The following LRMDA variants were observed in gnomAD, a reference collection of about 807,000 sequenced individuals.
The protein encoded by LRMDA is leucine-rich melanocyte differentiation-associated protein.
Under a neutral mutation model 29.8 loss-of-function variants are expected in LRMDA, and 18 were observed. That is an observed-to-expected ratio of 0.60 (90% CI 0.42 to 0.90). LRMDA has a LOEUF of 0.90. LRMDA is among the 40% of genes least tolerant of loss of function. The pLI, the probability that LRMDA is intolerant of heterozygous loss-of-function variation, is 0.00. For synonymous variants in LRMDA, 125 were observed against 109.4 expected, an observed-to-expected ratio of 1.14 and a Z score of -0.89; for missense variants, 273 against 273.9, an observed-to-expected ratio of 1.00 and a Z score of 0.02.
intron 2 of LRMDA, among the ~76,000 whole-genome samples, chr10:75,472,606 C>T (rs1014644801): frequency 2.6e-5 from 4 of 152,150 alleles, no homozygotes; most frequent in Non-Finnish European, 4.4e-5. Context: ...TATTGAGTTG[C>T]GTTATTGGAC....
intron 6 of LRMDA, chr10:76,464,666 A>G (rs1165660486): frequency 4.6e-5 from 7 of 152,204 alleles, no homozygotes; most frequent in Non-Finnish European, 1.0e-4. Flanking sequence ...GGTAACCTCA[A>G]ATACCTCCTT....
chr10:75,468,179 T>A (rs976446794), intron 2 of LRMDA, among the ~76,000 whole-genome samples: 1 of 152,200 alleles, frequency 6.6e-6, no homozygotes, highest in Non-Finnish European at 1.5e-5. Context: ...GGTTGGGGCA[T>A]TGATAATAGC....
intron 6 of LRMDA, among the ~76,000 whole-genome samples, chr10:76,417,920 C>T (rs916543137): frequency 2.0e-5 from 3 of 152,120 alleles, no homozygotes; most frequent in African/African-American, 7.2e-5. Flanking sequence ...AAAGACCTGA[C>T]ATTCCTCACT....
intron 5 of LRMDA, among the ~76,000 whole-genome samples, chr10:76,265,177 C>T (rs772393788): frequency 1.3e-5 from 2 of 152,144 alleles, no homozygotes; most frequent in Non-Finnish European, 2.9e-5. Context: ...ATTGTTGATC[C>T]GGTCCGTTTA....
chr10:76,367,289 C>A (rs1841401959), intron 6 of LRMDA, among the ~76,000 whole-genome samples: 1 of 152,158 alleles, frequency 6.6e-6, no homozygotes, highest in South Asian at 2.1e-4. Flanking sequence ...GAGAGGGTTC[C>A]TTCTTTCTCT....
intron 2 of LRMDA, among the ~76,000 whole-genome samples, chr10:75,587,853 G>T (rs1412845858): frequency 6.6e-6 from 1 of 152,218 alleles, no homozygotes; most frequent in Non-Finnish European, 1.5e-5. Context: ...GAGCATGACT[G>T]ACTGGTTCCA....
chr10:75,976,909 G>A (rs376433570), intron 2 of LRMDA, among the ~76,000 whole-genome samples: 1 of 152,160 alleles, frequency 6.6e-6, no homozygotes, highest in East Asian at 1.9e-4. Flanking sequence ...ATGAATAGAA[G>A]ATGCTCAGTA....
chr10:76,411,751 AG>A (rs1482909766), intron 6 of LRMDA, among the ~76,000 whole-genome samples: 1 of 152,204 alleles, frequency 6.6e-6, no homozygotes, highest in Non-Finnish European at 1.5e-5. Flanking sequence ...CGCCCCTGAC[AG>A]GGGGCACAGT....
At chr10:76,014,128 A>ATATATATGTATATAAAAT (rs1554840723) in intron 2 of LRMDA, among the ~76,000 whole-genome samples, 2 of 94,886 alleles carry the variant, frequency 2.1e-5, no homozygotes, top group Non-Finnish European at 3.9e-5. Flanking sequence ...ATATATAATT[A>ATATATATGTATATAAAAT]TATATATATA....
At chr10:75,719,937 G>A (rs1842545739) in intron 2 of LRMDA, among the ~76,000 whole-genome samples, 1 of 152,166 alleles carries the variant, frequency 6.6e-6, no homozygotes, top group Non-Finnish European at 1.5e-5. Flanking sequence ...TTCACGTGGA[G>A]CCCTCATAAT....
At chr10:75,686,519 C>T (rs1199055362) in intron 2 of LRMDA, among the ~76,000 whole-genome samples, 1 of 152,220 alleles carries the variant, frequency 6.6e-6, no homozygotes, top group African/African-American at 2.4e-5. Context: ...CTGCTTTCTT[C>T]ACCATTTATT....
At chr10:76,486,333 T>C (rs1204969875) in intron 6 of LRMDA, among the ~76,000 whole-genome samples, 3 of 151,914 alleles carry the variant, frequency 2.0e-5, no homozygotes, top group Admixed American at 2.0e-4. Context: ...GTGCATGCAT[T>C]AGTCAAGGCT....
At chr10:75,489,024 A>C (rs997165069) in intron 2 of LRMDA, among the ~76,000 whole-genome samples, 1 of 152,128 alleles carries the variant, frequency 6.6e-6, no homozygotes, top group Non-Finnish European at 1.5e-5. Flanking sequence ...GACCTTGTGC[A>C]CCTTTCCCAG....
rs36086624 is a variant in LRMDA at position 76,341,145 on chromosome 10, C to T, written c.601+16660C>T. Reference sequence around the variant, plus strand: ...ATAAAAAGAAAGCAGGTGTTGTAGTCGTTATAGTGTTTTACAAGGTAGAAT... The same window carrying T: ...ATAAAAAGAAAGCAGGTGTTGTAGTTGTTATAGTGTTTTACAAGGTAGAAT... On this transcript the variant is annotated intron_variant, in intron 6 of 6. Transcript: ENST00000611255. Among the ~76,000 whole-genome samples, 858 of 152,072 alleles carry T rather than the reference C, an allele frequency of 5.6e-3. 12 individuals are homozygous for T. The highest frequency in any genetic ancestry group is 0.025 in the Admixed American group (381 of 15,254).
At chr10:75,981,839 A>G (rs950809891) in intron 2 of LRMDA, among the ~76,000 whole-genome samples, 3 of 118,314 alleles carry the variant, frequency 2.5e-5, no homozygotes, top group Non-Finnish European at 5.2e-5. Flanking sequence ...CGACAGAGCA[A>G]GACTCCATCT....
chr10:76,202,448 T>C (rs2132234094), intron 5 of LRMDA, among the ~76,000 whole-genome samples: 1 of 152,270 alleles, frequency 6.6e-6, no homozygotes, highest in Non-Finnish European at 1.5e-5. Flanking sequence ...TTCTTAATGG[T>C]GTGCATGTAA....
In LRMDA at chr10:76,132,706, C is replaced by T. The variant is rs576294956; in HGVS notation, c.516+73923C>T. Among the ~76,000 whole-genome samples the T allele has an allele frequency of 7.2e-4, 109 of 152,206 alleles. 1 individual carries two copies. Among genetic ancestry groups the T allele is most frequent in the Admixed American group, 1.4e-3 (21 of 15,280 alleles). On this transcript the variant is annotated intron_variant, in intron 5 of 6. Transcript: ENST00000611255. Reference sequence around the variant, plus strand: ...AGTACGAGTATCGGAGTACGAGTATCGGAGGAACAATGAGCTGGAGTCCAC... The same window carrying T: ...AGTACGAGTATCGGAGTACGAGTATTGGAGGAACAATGAGCTGGAGTCCAC...
chr10:75,875,982 C>T (rs925882337), intron 2 of LRMDA, among the ~76,000 whole-genome samples: 1 of 150,092 alleles, frequency 6.7e-6, no homozygotes, highest in Non-Finnish European at 1.5e-5. Context: ...GCAAGACATG[C>T]GGACTGATTG....
intron 5 of LRMDA, among the ~76,000 whole-genome samples, chr10:76,060,021 C>T (rs1205201051): frequency 6.6e-6 from 1 of 152,132 alleles, no homozygotes; most frequent in Non-Finnish European, 1.5e-5. Context: ...CACACAACTG[C>T]CTTTAGTTAT....
Sources: allele counts gnomAD v4.1 joint callset (sites outside exome capture counted in the v4.1 genomes callset), GRCh38; gene constraint gnomAD v4.1.1; transcripts MANE v1.5; gene names NCBI Gene and HGNC (gene_info 2026-07-23, HGNC 2026-07-21).